Variants in IFNGR1 observed in about 807,000 individuals in gnomAD.
IFNGR1 encodes the protein interferon gamma receptor 1, also known as AVP, type 2.
In IFNGR1, 23 loss-of-function variants were observed where a neutral mutation model predicts 35.4. The observed-to-expected ratio is 0.65, with a 90% CI of 0.47 to 0.92. IFNGR1 has a LOEUF of 0.92. IFNGR1 is among the 40% of genes least tolerant of loss of function. The pLI, the probability that IFNGR1 is intolerant of heterozygous loss-of-function variation, is 0.00. For missense variants in IFNGR1, 533 were observed against 583.4 expected (o/e 0.91, Z 0.89); for synonymous variants, 199 against 209.5 (o/e 0.95, Z 0.43).
At chr6:137,201,764 T>C (rs1310297042) in intron 5 of IFNGR1, among the ~76,000 whole-genome samples, 1 of 152,202 alleles carries the variant, frequency 6.6e-6, no homozygotes, top group Non-Finnish European at 1.5e-5. Context: ...CAGAATTTCC[T>C]GTTACATTTA....
chr6:137,202,790 C>A (rs1279426648), intron 5 of IFNGR1, among the ~76,000 whole-genome samples: 1 of 151,906 alleles, frequency 6.6e-6, no homozygotes, highest in East Asian at 1.9e-4. Flanking sequence ...CATGGTAGAA[C>A]TACAGATTAT....
At position 137,218,783 on chromosome 6, in the gene IFNGR1, T is replaced by C. The variant is rs369450954; in HGVS notation, c.85+460A>G. 8.4e-4 allele frequency: 295 copies of C among 349,650 alleles called. 1 individual carries two copies. The East Asian group carries it at 0.01, about 12-fold the overall frequency. The allele number at this position is 349,650 out of a possible 1,614,324, so 21.7% of individuals were successfully genotyped here. A position where few individuals can be genotyped will look rare whatever the true frequency, so the allele number is the denominator to read the frequency against. Reference sequence around the variant, plus strand: ...GACAAACCCAGATGACACAGCCTACTGCTCTTAGGTCATGAACCTGTACAG... The same window carrying C: ...GACAAACCCAGATGACACAGCCTACCGCTCTTAGGTCATGAACCTGTACAG... On this transcript the variant is annotated intron_variant, in intron 1 of 6. Transcript: ENST00000367739.
intron 5 of IFNGR1, 72 bp from the exon 6 acceptor site, chr6:137,201,080 G>T (rs121913182): frequency 6.7e-7 from 1 of 1,484,908 alleles, no homozygotes; most frequent in East Asian, 2.3e-5. Flanking sequence ...AAGTCTTAGT[G>T]CCATTCTTGA....
At chr6:137,206,871 G>A (rs950242339) in intron 2 of IFNGR1, 92 bp downstream of exon 2, 71 of 974,174 alleles carry the variant, frequency 7.3e-5, no homozygotes, top group Admixed American at 2.6e-4. Flanking sequence ...GTTTTGCCAC[G>A]TGGGAAGGCT....
At chr6:137,217,373 T>C (rs1481841588) in intron 1 of IFNGR1, among the ~76,000 whole-genome samples, 1 of 152,218 alleles carries the variant, frequency 6.6e-6, no homozygotes, top group Non-Finnish European at 1.5e-5. Context: ...AGTGGGTGTA[T>C]TATTTTGTTG....
chr6:137,198,131 T>A lies in IFNGR1; in HGVS notation c.1370A>T (p.Tyr457Phe). 6.2e-7 allele frequency: 1 copy of A among 1,614,190 alleles called. No homozygotes were observed. The highest frequency in any genetic ancestry group is 8.5e-7 in the Non-Finnish European group (1 of 1,180,016). The change falls in exon 7 of 7, where the codon TAT becomes TTT. Residue 457 changes from tyrosine (Y) to phenylalanine (F), a missense_variant. Tyr to Phe is a conservative substitution (Grantham distance 22). Transcript: ENST00000367739. ...TVIKAPTSFG[Y>F]DKPHVLVDLL... ...ATCCACTAGCACATGTGGTTTATCA[T>A]AACCAAAGGAGGTGGGGGCTTTTAT... is the stretch of plus-strand genomic sequence containing the variant.
intron 1 of IFNGR1, among the ~76,000 whole-genome samples, chr6:137,215,776 A>G (rs576432367): frequency 1.3e-5 from 2 of 152,302 alleles, no homozygotes; most frequent in South Asian, 2.1e-4. Context: ...CAGTGGTACA[A>G]TCATGGCTCA....
Position 137,198,221 on chromosome 6 carries a change from T to G in IFNGR1, c.1280A>C (p.Asp427Ala). 1 of 1,614,062 alleles carries G rather than the reference T, an allele frequency of 6.2e-7. No homozygotes were observed. The highest frequency in any genetic ancestry group is 1.1e-5 in the South Asian group (1 of 91,076). The change falls in exon 7 of 7, where the codon GAC becomes GCC. Residue 427 changes from aspartate (D) to alanine (A), a missense_variant. By Grantham distance (126) the Asp-to-Ala change is moderately radical (BLOSUM62 -2). Coordinates refer to ENST00000367739, the MANE Select transcript of IFNGR1 (RefSeq NM_000416.3). ...SCLESHSSLS[D>A]SEFPPNNKGE... ...TTTATTATTTGGGGGAAATTCTGAGTCAGATAAGGAGCTATGTGATTCCAG... is the reference window on the plus strand; with the variant it reads ...TTTATTATTTGGGGGAAATTCTGAGGCAGATAAGGAGCTATGTGATTCCAG...
At chr6:137,200,850 T>C (rs780220376) in intron 6 of IFNGR1, 31 bp downstream of exon 6, 76 of 1,471,676 alleles carry the variant, frequency 5.2e-5, no homozygotes, top group Non-Finnish European at 5.4e-5. Flanking sequence ...AGTTAACTTT[T>C]TAGTGTATAT....
rs1038006364 is a variant in IFNGR1, at chr6:137,197,589, T to C, written c.*442A>G. 1 of 155,646 alleles carries C rather than the reference T, an allele frequency of 6.4e-6. No individual in the cohort carries two copies. Among genetic ancestry groups the C allele is most frequent in the Non-Finnish European group, 1.4e-5 (1 of 70,124 alleles). The allele number at this position is 155,646 out of a possible 1,614,324, so 9.6% of individuals were successfully genotyped here. A position where few individuals can be genotyped will look rare whatever the true frequency, so the allele number is the denominator to read the frequency against. On this transcript the variant is annotated 3_prime_UTR_variant, in exon 7 of 7. Coordinates refer to ENST00000367739, the MANE Select transcript of IFNGR1 (RefSeq NM_000416.3). ...ATTAATTCTATTAGTTTGAATTAGATTTTAAGTCCAATTTTGAAAAGCTTG... is the reference window on the plus strand; with the variant it reads ...ATTAATTCTATTAGTTTGAATTAGACTTTAAGTCCAATTTTGAAAAGCTTG...
Position 137,215,306 on chromosome 6 carries a change from G to A in IFNGR1, c.85+3937C>T, listed in dbSNP as rs1279350312. On this transcript the variant is annotated intron_variant, in intron 1 of 6. Transcript: ENST00000367739. ...TGGAATTGGAGAAGACTATTTTCTG[G>A]TGACTTCAAAAGCATCTGCTTCAGG... 3.2e-6 allele frequency: 5 copies of A among 1,548,908 alleles called. No homozygotes were observed. In the Admixed American group the frequency reaches 7.9e-5, roughly 24 times the overall value.
In IFNGR1 at chr6:137,219,385, T is replaced by G. The variant is rs528222354; in HGVS notation, c.-58A>C. The G allele has an allele frequency of 4.5e-6, 7 of 1,560,448 alleles. No homozygotes were observed. The highest frequency in any genetic ancestry group is 1.2e-5 in the South Asian group (1 of 84,728). On this transcript the variant is annotated 5_prime_UTR_variant, in exon 1 of 7. Transcript: ENST00000367739. Reference sequence around the variant, plus strand: ...AGCGCCTGCGGGACCAGCCCAGCACTGCCCTCCAGCCCCGGCCTTACGTCA... The same window carrying G: ...AGCGCCTGCGGGACCAGCCCAGCACGGCCCTCCAGCCCCGGCCTTACGTCA...
intron 3 of IFNGR1, among the ~76,000 whole-genome samples, chr6:137,205,104 A>G (rs1236634565): frequency 6.6e-6 from 1 of 152,194 alleles, no homozygotes; most frequent in African/African-American, 2.4e-5. Context: ...TCCGGCACGT[A>G]GTAGGCCCTT....
intron 1 of IFNGR1, among the ~76,000 whole-genome samples, chr6:137,215,904 G>A (rs991579031): frequency 3.9e-5 from 6 of 152,064 alleles, no homozygotes; most frequent in Non-Finnish European, 8.8e-5. Flanking sequence ...GTAGAGATGG[G>A]TTTTGCCATG....
intron 5 of IFNGR1, among the ~76,000 whole-genome samples, chr6:137,202,952 C>T (rs1259240940): frequency 2.0e-5 from 3 of 151,958 alleles, no homozygotes; most frequent in Non-Finnish European, 4.4e-5. Context: ...ATATCTCTAC[C>T]TCCCCACCCC....
chr6:137,218,920 C>T (rs1045279311), intron 1 of IFNGR1: 47 of 462,076 alleles, frequency 1.0e-4, no homozygotes, highest in African/African-American at 8.5e-4. Flanking sequence ...TTTGAGACCA[C>T]GCTGTCCCAC....
At chr6:137,214,084 A>G (rs1359437215) in intron 1 of IFNGR1, among the ~76,000 whole-genome samples, 1 of 152,214 alleles carries the variant, frequency 6.6e-6, no homozygotes, top group African/African-American at 2.4e-5. Flanking sequence ...ATCTGACACT[A>G]CAACTCAAAA....
In IFNGR1 at chr6:137,210,495, AT is replaced by A. The variant is rs760605209; in HGVS notation, c.86-3419del. ...CAATCTCACCTCCCTGGAACACTCT[AT>A]TAAACATGATTTACTTATATAACTA... is the stretch of plus-strand genomic sequence containing the variant. On this transcript the variant is annotated intron_variant, in intron 1 of 6. Coordinates refer to ENST00000367739, the MANE Select transcript of IFNGR1 (RefSeq NM_000416.3). Among the ~76,000 whole-genome samples, 242 of 152,310 alleles carry A rather than the reference AT, an allele frequency of 1.6e-3. 2 individuals are homozygous for A. The highest frequency in any genetic ancestry group is 3.7e-3 in the Admixed American group (57 of 15,304).
At chr6:137,210,067 T>C (rs1779539261) in intron 1 of IFNGR1, 1 of 385,792 alleles carries the variant, frequency 2.6e-6, no homozygotes, top group Non-Finnish European at 4.6e-6. Context: ...AAAGTAGTCA[T>C]GGGCCAGGTG....
Sources: allele counts gnomAD v4.1 joint callset (sites outside exome capture counted in the v4.1 genomes callset), GRCh38; gene constraint gnomAD v4.1.1; transcripts MANE v1.5; gene names NCBI Gene and HGNC (gene_info 2026-07-23, HGNC 2026-07-21).